GNB1: variants seen among roughly 807,000 people sequenced by gnomAD.
GNB1 encodes the protein guanine nucleotide-binding protein G(I)/G(S)/G(T) subunit beta-1.
A neutral mutation model predicts 42.9 loss-of-function variants in GNB1; 2 were observed. The ratio of observed to expected loss-of-function variants is 0.05; its 90% CI spans 0.02 to 0.15. GNB1 has a LOEUF of 0.15. GNB1 is among the 10% of genes least tolerant of loss of function. The pLI is 1.00. For synonymous variants in GNB1, 183 were observed against 174.7 expected, an observed-to-expected ratio of 1.05 and a Z score of -0.38; for missense variants, 193 against 462.2, an observed-to-expected ratio of 0.42 and a Z score of 5.34.
At position 1,786,192 on chromosome 1, in the gene GNB1, C is replaced by T. The variant is rs1015648587; in HGVS notation, c.*871G>A. ...GCATCTCTCTTGAAAACAGAGGTTC[C>T]TCCTAGTTGGGGGTGGGGTAGTGTT... On this transcript the variant is annotated 3_prime_UTR_variant, in exon 12 of 12. Coordinates refer to ENST00000378609, the MANE Select transcript of GNB1 (RefSeq NM_002074.5). The T allele has an allele frequency of 1.3e-5, 5 of 397,618 alleles. No individual in the cohort carries two copies. The highest frequency in any genetic ancestry group is 1.0e-4 in the African/African-American group (5 of 48,564). The allele number at this position is 397,618 out of a possible 1,614,324, so 24.6% of individuals were successfully genotyped here. A position where few individuals can be genotyped will look rare whatever the true frequency, so the allele number is the denominator to read the frequency against.
intron 1 of GNB1, among the ~76,000 whole-genome samples, chr1:1,870,841 G>A (rs1191156608): frequency 6.6e-6 from 1 of 152,126 alleles, no homozygotes; most frequent in Non-Finnish European, 1.5e-5. Context: ...GGGAGGCTGA[G>A]GCAGGAGAAT....
chr1:1,867,548 A>G (rs1166397786), intron 1 of GNB1, among the ~76,000 whole-genome samples: 1 of 152,204 alleles, frequency 6.6e-6, no homozygotes, highest in African/African-American at 2.4e-5. Flanking sequence ...TTTTATAACT[A>G]ATTTTATAAT....
At chr1:1,818,008 G>A (rs1432120464) in intron 3 of GNB1, 133 bp from the exon 4 acceptor site, 1 of 683,982 alleles carries the variant, frequency 1.5e-6, no homozygotes, top group Non-Finnish European at 2.6e-6. Flanking sequence ...GAACGGCAGA[G>A]TCTCCTTGCA....
At chr1:1,838,209 A>G (rs1647177445) in intron 2 of GNB1, among the ~76,000 whole-genome samples, 2 of 152,054 alleles carry the variant, frequency 1.3e-5, no homozygotes, top group Admixed American at 6.6e-5. Flanking sequence ...TCTCAAAAGA[A>G]AAAAAAGAAT....
chr1:1,821,027 T>C (rs936439995), intron 3 of GNB1, among the ~76,000 whole-genome samples: 3 of 152,240 alleles, frequency 2.0e-5, no homozygotes, highest in African/African-American at 7.2e-5. Flanking sequence ...ATACATATTA[T>C]GATGTCCACT....
intron 3 of GNB1, among the ~76,000 whole-genome samples, chr1:1,821,255 C>T (rs139045738): frequency 0.011 from 1,677 of 152,266 alleles, 28 homozygotes; most frequent in African/African-American, 0.038. Flanking sequence ...GCTGGCATGC[C>T]GCTCCAGAAC....
chr1:1,880,036 A>G (rs1649756255), intron 1 of GNB1, among the ~76,000 whole-genome samples: 2 of 151,896 alleles, frequency 1.3e-5, no homozygotes, highest in South Asian at 4.2e-4. Context: ...GGCTCCATCA[A>G]TCCTCCTGCC....
At chr1:1,836,191 C>T in intron 2 of GNB1, among the ~76,000 whole-genome samples, 1 of 152,022 alleles carries the variant, frequency 6.6e-6, no homozygotes, top group Non-Finnish European at 1.5e-5. Flanking sequence ...TGTGGAGAGT[C>T]CCGGCTCCTC....
At chr1:1,830,078 T>C (rs1647054995) in intron 2 of GNB1, among the ~76,000 whole-genome samples, 1 of 151,952 alleles carries the variant, frequency 6.6e-6, no homozygotes, top group African/African-American at 2.4e-5. Flanking sequence ...GTTATGGCGT[T>C]GTTTTTGGAG....
Position 1,785,911 on chromosome 1 carries a change from A to G in GNB1, c.*1152T>C, listed in dbSNP as rs1261104320. 2 of 398,758 alleles carry G rather than the reference A, an allele frequency of 5.0e-6. No individual in the cohort carries two copies. The highest frequency in any genetic ancestry group is 8.8e-6 in the Non-Finnish European group (2 of 226,066). The allele number at this position is 398,758 out of a possible 1,614,324, so 24.7% of individuals were successfully genotyped here. On this transcript the variant is annotated 3_prime_UTR_variant, in exon 12 of 12. Coordinates refer to ENST00000378609, the MANE Select transcript of GNB1 (RefSeq NM_002074.5). The stretch of plus-strand genomic sequence containing the variant: ...ATATGTGCCACAGAGCAGCAACGAG[A>G]AGTGGACAGAGCCGCAATGGTTACA...
intron 2 of GNB1, among the ~76,000 whole-genome samples, chr1:1,836,140 A>T (rs749408328): frequency 6.6e-5 from 10 of 151,902 alleles, no homozygotes; most frequent in Non-Finnish European, 7.4e-5. Flanking sequence ...CTCTTTTCAA[A>T]ATGGTTATGC....
At chr1:1,789,878 T>C (rs949325351) in intron 9 of GNB1, among the ~76,000 whole-genome samples, 1 of 152,176 alleles carries the variant, frequency 6.6e-6, no homozygotes, top group African/African-American at 2.4e-5. Context: ...GGTGTGCATG[T>C]TGCTGTAGCT....
intron 1 of GNB1, among the ~76,000 whole-genome samples, chr1:1,882,086 A>T (rs181332777): frequency 1.6e-4 from 25 of 152,166 alleles, no homozygotes; most frequent in African/African-American, 6.0e-4. Flanking sequence ...TCCCTATTAG[A>T]CCATGAATTC....
At position 1,882,187 on chromosome 1, in the gene GNB1, G is replaced by A. The variant is rs536536472; in HGVS notation, c.-96+8633C>T. Reference sequence around the variant, plus strand: ...ATTGGGGCCAGGCACAGTGGCTCACGCCTGTAATCCTAACACTTTGGGAGG... The same window carrying A: ...ATTGGGGCCAGGCACAGTGGCTCACACCTGTAATCCTAACACTTTGGGAGG... On this transcript the variant is annotated intron_variant, in intron 1 of 11. Transcript: ENST00000378609. 3.3e-5 allele frequency among the ~76,000 whole-genome samples: 5 copies of A among 152,198 alleles called. No individual in the cohort carries two copies. In the South Asian group the frequency reaches 6.2e-4, roughly 19 times the overall value.
intron 5 of GNB1, among the ~76,000 whole-genome samples, chr1:1,811,080 T>C (rs1256879860): frequency 1.2e-4 from 3 of 25,280 alleles, no homozygotes; most frequent in African/African-American, 3.1e-4. Context: ...CATATATATA[T>C]ATTTTTTTTT....
intron 5 of GNB1, among the ~76,000 whole-genome samples, chr1:1,809,756 C>T (rs748159615): frequency 2.0e-5 from 3 of 152,124 alleles, no homozygotes; most frequent in Non-Finnish European, 4.4e-5. Context: ...GCCTCCTAGT[C>T]CCGGGTCAGG....
rs190790365 is a variant in GNB1 at position 1,888,034 on chromosome 1, A to C, written c.-96+2786T>G. 4.3e-3 allele frequency among the ~76,000 whole-genome samples: 654 copies of C among 152,348 alleles called. 3 individuals carry two copies. Among genetic ancestry groups the C allele is most frequent in the Middle Eastern group, 0.017 (5 of 294 alleles). On this transcript the variant is annotated intron_variant, in intron 1 of 11. Coordinates refer to ENST00000378609, the MANE Select transcript of GNB1 (RefSeq NM_002074.5). ...CTTCAACTTTCCCACCCACCAAAAA[A>C]ACAGAATTAACTGAAGATATCAAAG...
chr1:1,872,725 C>T (rs1350149941), intron 1 of GNB1, among the ~76,000 whole-genome samples: 4 of 152,194 alleles, frequency 2.6e-5, no homozygotes, highest in Non-Finnish European at 5.9e-5. Context: ...CCCTCTCCAC[C>T]CAACAGCTCA....
At chr1:1,885,469 A>T (rs1320703660) in intron 1 of GNB1, among the ~76,000 whole-genome samples, 1 of 151,890 alleles carries the variant, frequency 6.6e-6, no homozygotes, top group South Asian at 2.1e-4. Context: ...CTGGTCTTTT[A>T]AATCAGTAAG....
Sources: gnomAD v4.1 joint callset for allele counts (sites outside exome capture counted in the v4.1 genomes callset) on GRCh38, gnomAD v4.1.1 for gene constraint, MANE v1.5 for transcripts, NCBI Gene and HGNC (gene_info 2026-07-23, HGNC 2026-07-21) for gene names.